The following ANXA10 variants were observed in gnomAD, a reference collection of about 807,000 sequenced individuals.
The protein encoded by ANXA10 is annexin 14.
ANXA10 carries 49 observed loss-of-function variants against 53.5 expected under a neutral mutation model. The observed-to-expected ratio is 0.92, with a 90% CI of 0.73 to 1.16. The LOEUF (loss-of-function observed/expected upper bound fraction) is 1.16, where lower values mean the gene tolerates loss of function less well. Ranked by LOEUF, ANXA10 falls within the 50% of genes most tolerant of loss-of-function variation. ANXA10 has a pLI of 0.00. For synonymous variants in ANXA10, 131 were observed against 128.9 expected (o/e 1.02, Z -0.11); for missense variants, 393 against 394.4 (o/e 1.00, Z 0.03).
Position 168,155,875 on chromosome 4 carries a change from TTA to T in ANXA10, c.196-6649_196-6648del, listed in dbSNP as rs1455494941. Among the ~76,000 whole-genome samples the T allele has an allele frequency of 2.2e-4, 7 of 32,458 alleles. 1 individual carries two copies. The highest frequency in any genetic ancestry group is 9.4e-4 in the South Asian group (1 of 1,064). 21.3% of individuals were successfully genotyped at this position (32,458 alleles called of 152,430 possible). A position where few individuals can be genotyped will look rare whatever the true frequency, so the allele number is the denominator to read the frequency against. On this transcript the variant is annotated intron_variant, in intron 3 of 11. Coordinates refer to ENST00000359299, the MANE Select transcript of ANXA10 (RefSeq NM_007193.5). ...TATATCATATATGATATATCATATA[TTA>T]TATGTTATATATAATATATGATATA...
At position 168,177,909 on chromosome 4, in the gene ANXA10, A is replaced by G; in HGVS notation, c.554A>G (p.Gln185Arg). 6 of 1,614,148 alleles carry G rather than the reference A, an allele frequency of 3.7e-6. No individual in the cohort carries two copies. The highest frequency in any genetic ancestry group is 4.2e-6 in the Non-Finnish European group (5 of 1,180,028). Reference sequence around the variant, plus strand: ...TTCCAGGTCCTATGGGAAGCCTGTCAGCAGAAGACGGGGGAGCACAAAACC... The same window carrying G: ...TTCCAGGTCCTATGGGAAGCCTGTCGGCAGAAGACGGGGGAGCACAAAACC... ...QDAMVLWEAC[Q>R]QKTGEHKTML... Residue 185 changes from glutamine (Q) to arginine (R), a missense_variant, in exon 8 of 12, where the codon CAG becomes CGG. Physicochemically the swap from Gln to Arg is conservative, Grantham distance 43. Coordinates refer to ENST00000359299, the MANE Select transcript of ANXA10 (RefSeq NM_007193.5).
rs1732194403 is a variant in ANXA10, at chr4:168,179,321, T to G, written c.724+9T>G. 1.9e-6 allele frequency: 3 copies of G among 1,575,208 alleles called. No individual in the cohort carries two copies. The highest frequency in any genetic ancestry group is 1.7e-6 in the Non-Finnish European group (2 of 1,147,998). On this transcript the variant is annotated intron_variant, in intron 9 of 11. Transcript: ENST00000359299. The stretch of plus-strand genomic sequence containing the variant: ...GCTGCTGGTTGCAATTGGTAAGTAA[T>G]AAATTATTTGAAGCACAACAGACAT...
intron 6 of ANXA10, among the ~76,000 whole-genome samples, chr4:168,176,827 C>T (rs939606153): frequency 1.3e-5 from 2 of 151,778 alleles, no homozygotes; most frequent in African/African-American, 4.8e-5. Flanking sequence ...ATGGCGAGAT[C>T]CTCTTTTTGA....
intron 3 of ANXA10, among the ~76,000 whole-genome samples, chr4:168,156,970 C>T (rs145733823): frequency 6.6e-6 from 1 of 152,132 alleles, no homozygotes; most frequent in African/African-American, 2.4e-5. Context: ...AAAATCATTC[C>T]TCTAGGGCAC....
chr4:168,128,284 CAAA>C (rs11353908), intron 2 of ANXA10, 119 bp downstream of exon 2: 137 of 363,864 alleles, frequency 3.8e-4, no homozygotes, highest in South Asian at 1.2e-3. Flanking sequence ...ACAGATTAGA[CAAA>C]AAAAAAAAAA....
chr4:168,161,602 C>A (rs1034533052), intron 3 of ANXA10, among the ~76,000 whole-genome samples: 1 of 151,914 alleles, frequency 6.6e-6, no homozygotes, highest in Non-Finnish European at 1.5e-5. Context: ...CTGTGAAGAA[C>A]ATTAATGGGA....
At chr4:168,165,135 C>A in intron 5 of ANXA10, 112 bp from the exon 6 acceptor site, 1 of 525,448 alleles carries the variant, frequency 1.9e-6, no homozygotes, top group Non-Finnish European at 3.2e-6. Flanking sequence ...AACAGGTGGA[C>A]TACATTTCCT....
chr4:168,145,328 C>G (rs1731389810), intron 3 of ANXA10, among the ~76,000 whole-genome samples: 1 of 152,214 alleles, frequency 6.6e-6, no homozygotes, highest in East Asian at 1.9e-4. Flanking sequence ...CCTCCAGCTG[C>G]AAGACTGCTA....
intron 3 of ANXA10, among the ~76,000 whole-genome samples, chr4:168,156,081 A>ATTATAT (rs1278125166): frequency 2.8e-5 from 2 of 70,368 alleles, no homozygotes; most frequent in East Asian, 9.9e-4. Context: ...TATATATATT[A>ATTATAT]TATATAATAT....
At chr4:168,138,111 G>A (rs1018476313) in intron 2 of ANXA10, among the ~76,000 whole-genome samples, 17 of 151,690 alleles carry the variant, frequency 1.1e-4, no homozygotes, top group Non-Finnish European at 2.1e-4. Context: ...ACAGGCGCCC[G>A]CCACCACACC....
chr4:168,105,109 CT>C lies in ANXA10; in HGVS notation c.18+12401del, dbSNP rs1271237164. Among the ~76,000 whole-genome samples, 205 of 147,032 alleles carry C rather than the reference CT, an allele frequency of 1.4e-3. 2 individuals are homozygous for C. In the East Asian group the frequency reaches 0.034, roughly 24 times the overall value. The stretch of plus-strand genomic sequence containing the variant: ...CTTTTGGGATCTGTAGATTTGGGCA[CT>C]TTTTTTTTTAACTTTTATTTTGAGT... On this transcript the variant is annotated intron_variant, in intron 1 of 11. Transcript: ENST00000359299.
chr4:168,183,081 T>C (rs886177872), intron 10 of ANXA10, among the ~76,000 whole-genome samples: 7 of 150,610 alleles, frequency 4.6e-5, no homozygotes, highest in Admixed American at 2.0e-4. Context: ...ATACATGTCG[T>C]AGCCTTGAAA....
At chr4:168,125,551 G>A (rs1285717664) in intron 1 of ANXA10, among the ~76,000 whole-genome samples, 2 of 152,000 alleles carry the variant, frequency 1.3e-5, no homozygotes, top group Non-Finnish European at 2.9e-5. Context: ...GGAGGGATGT[G>A]GTTTTGTGAA....
intron 3 of ANXA10, among the ~76,000 whole-genome samples, chr4:168,152,061 G>GAAAAC (rs1211406084): frequency 3.9e-5 from 6 of 152,234 alleles, no homozygotes; most frequent in Non-Finnish European, 8.8e-5. Context: ...TAGCCGTGAA[G>GAAAAC]AAAACAGACC....
intron 3 of ANXA10, among the ~76,000 whole-genome samples, chr4:168,154,946 C>T (rs967163227): frequency 1.3e-5 from 2 of 152,130 alleles, no homozygotes; most frequent in East Asian, 3.8e-4. Context: ...GCCTGGCCTA[C>T]TCAACTTTCC....
Position 168,150,968 on chromosome 4 carries a change from A to G in ANXA10, c.195+11388A>G, listed in dbSNP as rs529269850. 2.0e-5 allele frequency among the ~76,000 whole-genome samples: 3 copies of G among 152,282 alleles called. No individual in the cohort carries two copies. The South Asian group carries it at 6.2e-4, about 32-fold the overall frequency. ...TAACTCTTAGGAAAGAAAGGCAGTG[A>G]GCTAGGGAGGGGGTACCATAAGGTG... On this transcript the variant is annotated intron_variant, in intron 3 of 11. Coordinates refer to ENST00000359299, the MANE Select transcript of ANXA10 (RefSeq NM_007193.5).
intron 3 of ANXA10, among the ~76,000 whole-genome samples, chr4:168,141,258 T>C (rs1263625419): frequency 6.6e-6 from 1 of 152,202 alleles, no homozygotes; most frequent in Non-Finnish European, 1.5e-5. Flanking sequence ...CATGTTTGCC[T>C]CTTTCCTCTG....
chr4:168,140,690 C>A (rs1417334488), intron 3 of ANXA10, among the ~76,000 whole-genome samples: 1 of 151,534 alleles, frequency 6.6e-6, no homozygotes, highest in African/African-American at 2.4e-5. Flanking sequence ...GTGATCTCAT[C>A]TCACTGCAAC....
intron 1 of ANXA10, among the ~76,000 whole-genome samples, chr4:168,120,477 G>A (rs1730966639): frequency 6.6e-6 from 1 of 151,768 alleles, no homozygotes. Flanking sequence ...GTAAATAACT[G>A]GTTATAAGAC....
Sources: gnomAD v4.1 joint callset for allele counts (sites outside exome capture counted in the v4.1 genomes callset) on GRCh38, gnomAD v4.1.1 for gene constraint, MANE v1.5 for transcripts, NCBI Gene and HGNC (gene_info 2026-07-23, HGNC 2026-07-21) for gene names.